The following CDKL4 variants were observed in gnomAD, a reference collection of about 807,000 sequenced individuals.
CDKL4 encodes the protein cyclin-dependent kinase-like 4.
Under a neutral mutation model 42.0 loss-of-function variants are expected in CDKL4, and 44 were observed. The ratio of observed to expected loss-of-function variants is 1.05; its 90% CI spans 0.82 to 1.35. The LOEUF (loss-of-function observed/expected upper bound fraction) is 1.35. Ranked by LOEUF, CDKL4 falls within the 40% of genes most tolerant of loss-of-function variation. The probability of loss-of-function intolerance (pLI) is 0.00; values close to 1 mark genes in which losing one functional copy is unlikely to be tolerated. For synonymous variants in CDKL4, 120 were observed against 121.6 expected, an observed-to-expected ratio of 0.99 and a Z score of 0.09; for missense variants, 393 against 369.9, an observed-to-expected ratio of 1.06 and a Z score of -0.51.
chr2:39,243,806 G>A (rs1679784858), intron 1 of CDKL4, among the ~76,000 whole-genome samples, 65 bp downstream of exon 1: 1 of 152,208 alleles, frequency 6.6e-6, no homozygotes, highest in Non-Finnish European at 1.5e-5. Flanking sequence ...TAGACCTCGC[G>A]GCTCACCCCA....
At chr2:39,177,500 G>C (rs1266360058) in intron 9 of CDKL4, among the ~76,000 whole-genome samples, 1 of 151,572 alleles carries the variant, frequency 6.6e-6, no homozygotes, top group Non-Finnish European at 1.5e-5. Flanking sequence ...CGCCTCCAGG[G>C]TTTAAGCGAT....
At chr2:39,171,267 C>T (rs56031606), downstream of CDKL4, among the ~76,000 whole-genome samples, 7,866 of 151,886 alleles carry the variant, frequency 0.052, 716 homozygotes, top group African/African-American at 0.18. Context: ...TCAAAATAAC[C>T]TTAATATTGT....
chr2:39,225,842 T>A, exon 3 of CDKL4: 1 of 1,599,968 alleles, frequency 6.3e-7, no homozygotes, highest in South Asian at 1.1e-5. Flanking sequence ...TACTTACCCA[T>A]TTGGGTTTCT....
chr2:39,237,810 G>T (rs1009091834), intron 1 of CDKL4, among the ~76,000 whole-genome samples: 1 of 152,016 alleles, frequency 6.6e-6, no homozygotes, highest in South Asian at 2.1e-4. Context: ...ACAGAAAATC[G>T]TAATGAATCT....
At chr2:39,214,222 C>A (rs1677775226) in intron 3 of CDKL4, among the ~76,000 whole-genome samples, 1 of 152,132 alleles carries the variant, frequency 6.6e-6, no homozygotes, top group African/African-American at 2.4e-5. Flanking sequence ...TATGCCCGGC[C>A]AGTATTTACT....
At chr2:39,187,293 A>C (rs1468472597) in intron 7 of CDKL4, among the ~76,000 whole-genome samples, 1 of 152,022 alleles carries the variant, frequency 6.6e-6, no homozygotes, top group Non-Finnish European at 1.5e-5. Flanking sequence ...TAAATTACCC[A>C]GTCTCGGGGA....
intron 1 of CDKL4, among the ~76,000 whole-genome samples, chr2:39,242,869 G>A (rs1231452463): frequency 1.3e-5 from 2 of 151,962 alleles, no homozygotes; most frequent in South Asian, 4.2e-4. Context: ...AGGTTGAGGC[G>A]GGTGGAGCAC....
At chr2:39,209,523 A>G (rs1287183148) in intron 4 of CDKL4, among the ~76,000 whole-genome samples, 1 of 152,218 alleles carries the variant, frequency 6.6e-6, no homozygotes, top group East Asian at 1.9e-4. Context: ...TTTAATGTGC[A>G]CATGAATCAC....
At chr2:39,196,696 T>C (rs1676534582) in intron 5 of CDKL4, among the ~76,000 whole-genome samples, 1 of 152,140 alleles carries the variant, frequency 6.6e-6, no homozygotes, top group African/African-American at 2.4e-5. Flanking sequence ...CAACCTCTGC[T>C]TCCTGGGTAC....
At chr2:39,204,867 C>CT (rs879528689) in intron 4 of CDKL4, among the ~76,000 whole-genome samples, 130 of 142,908 alleles carry the variant, frequency 9.1e-4, no homozygotes, top group Non-Finnish European at 8.6e-4. Context: ...TAAAAACTGT[C>CT]TTTTTTTTTT....
chr2:39,233,233 TC>T (rs1232921701), intron 1 of CDKL4, among the ~76,000 whole-genome samples: 1 of 151,966 alleles, frequency 6.6e-6, no homozygotes, highest in East Asian at 1.9e-4. Flanking sequence ...TAAGATCACC[TC>T]CTTCCCAAAG....
intron 9 of CDKL4, chr2:39,178,827 T>C (rs1675277201): frequency 3.3e-6 from 5 of 1,529,438 alleles, no homozygotes; most frequent in Non-Finnish European, 4.4e-6. Flanking sequence ...GAAAGGCACT[T>C]GGATTCCTTT....
At chr2:39,212,283 G>C (rs1042458736) in intron 4 of CDKL4, among the ~76,000 whole-genome samples, 1 of 151,242 alleles carries the variant, frequency 6.6e-6, no homozygotes, top group East Asian at 1.9e-4. Flanking sequence ...GCCCAGGCTG[G>C]AGTGCAGTGG....
chr2:39,176,026 T>A (rs1675150637), exon 10 of CDKL4: 1 of 470,826 alleles, frequency 2.1e-6, no homozygotes, highest in Non-Finnish European at 4.4e-6. Context: ...AAATTTTAAC[T>A]GGAGGACTTG....
intron 1 of CDKL4, among the ~76,000 whole-genome samples, chr2:39,239,583 G>A (rs758143035): frequency 3.3e-5 from 5 of 152,172 alleles, no homozygotes; most frequent in Non-Finnish European, 7.3e-5. Flanking sequence ...ATACACAAAT[G>A]TCTACTAAGC....
At chr2:39,192,635 T>G (rs78166326) in intron 5 of CDKL4, among the ~76,000 whole-genome samples, 9,786 of 152,124 alleles carry the variant, frequency 0.064, 1,064 homozygotes, top group African/African-American at 0.22. Context: ...GTGTCCTGAT[T>G]TTTTTCATTG....
downstream of CDKL4, among the ~76,000 whole-genome samples, chr2:39,175,160 G>A (rs1218221467): frequency 6.6e-6 from 1 of 152,132 alleles, no homozygotes; most frequent in Non-Finnish European, 1.5e-5. Context: ...CAATTTCATA[G>A]AGGCCATGGA....
intron 1 of CDKL4, among the ~76,000 whole-genome samples, chr2:39,230,147 A>G (rs1679010946): frequency 6.6e-6 from 1 of 152,262 alleles, no homozygotes; most frequent in Admixed American, 6.5e-5. Flanking sequence ...TGGAAGGCCA[A>G]GGTGGGTGGA....
At chr2:39,224,730 G>C (rs577632898) in intron 3 of CDKL4, among the ~76,000 whole-genome samples, 1 of 151,956 alleles carries the variant, frequency 6.6e-6, no homozygotes, top group African/African-American at 2.4e-5. Context: ...TCTAGAACAC[G>C]TGAGTTCAAG....
Sources: allele counts gnomAD v4.1 joint callset (sites outside exome capture counted in the v4.1 genomes callset), GRCh38; gene constraint gnomAD v4.1.1; transcripts MANE v1.5; gene names NCBI Gene and HGNC (gene_info 2026-07-23, HGNC 2026-07-21).